AOX1: variants seen among roughly 807,000 people sequenced by gnomAD.
AOX1 encodes aldehyde oxidase.
AOX1 carries 153 observed loss-of-function variants against 169.5 expected under a neutral mutation model. That is an observed-to-expected ratio of 0.90 (90% CI 0.79 to 1.03). The LOEUF (loss-of-function observed/expected upper bound fraction) is 1.03, where lower values mean the gene tolerates loss of function less well. Among genes scored for constraint, AOX1 ranks in the 50% least tolerant of loss-of-function variants. AOX1 has a pLI of 0.00. For missense variants in AOX1, 1,656 were observed against 1,663.9 expected (o/e 1.00, Z 0.08); for synonymous variants, 562 against 581.9 (o/e 0.97, Z 0.49).
At chr2:200,653,783 C>A (rs1480882768) in intron 26 of AOX1, among the ~76,000 whole-genome samples, 3 of 152,200 alleles carry the variant, frequency 2.0e-5, no homozygotes, top group African/African-American at 4.8e-5. Context: ...CTATTGGTGC[C>A]ATTTTTCCAA....
intron 7 of AOX1, 55 bp downstream of exon 7, chr2:200,603,411 A>G (rs1057283119): frequency 7.1e-7 from 1 of 1,405,398 alleles, no homozygotes; most frequent in Non-Finnish European, 1.0e-6. Context: ...ACAGGAGCCA[A>G]CATACTCTTA....
chr2:200,637,769 CTTAAT>C (rs1457153116), intron 22 of AOX1, among the ~76,000 whole-genome samples: 1 of 152,132 alleles, frequency 6.6e-6, no homozygotes, highest in Non-Finnish European at 1.5e-5. Context: ...ACCTAGAAGG[CTTAAT>C]TTGTTTGCTG....
downstream of AOX1, among the ~76,000 whole-genome samples, chr2:200,675,313 C>A (rs1012206233): frequency 3.3e-5 from 5 of 152,062 alleles, no homozygotes; most frequent in Non-Finnish European, 7.4e-5. Context: ...AAAAAACCTA[C>A]TAGGGAAAAA....
At chr2:200,588,797 T>TGCAA (rs1256912374) in intron 1 of AOX1, among the ~76,000 whole-genome samples, 21 of 143,642 alleles carry the variant, frequency 1.5e-4, no homozygotes, top group Admixed American at 1.5e-3. Context: ...ACTATGAAAC[T>TGCAA]GCAAGCACCC....
At chr2:200,609,845 G>C (rs1208439390) in intron 12 of AOX1, among the ~76,000 whole-genome samples, 5 of 152,250 alleles carry the variant, frequency 3.3e-5, no homozygotes, top group Admixed American at 2.0e-4. Flanking sequence ...TTTTTCAGGT[G>C]AAAAATGATT....
At chr2:200,657,186 A>ATTTTTTTTTTTTTT (rs1323706482) in intron 27 of AOX1, among the ~76,000 whole-genome samples, 1 of 65,758 alleles carries the variant, frequency 1.5e-5, no homozygotes, top group African/African-American at 6.6e-5. Context: ...ATATATATAT[A>ATTTTTTTTTTTTTT]TATATTTTTT....
chr2:200,610,971 A>G (rs1314577033), intron 12 of AOX1, among the ~76,000 whole-genome samples: 2 of 152,080 alleles, frequency 1.3e-5, no homozygotes, highest in Non-Finnish European at 1.5e-5. Context: ...TTCCTGCCTC[A>G]GCTTCCTGAG....
Position 200,669,759 on chromosome 2 carries a change from G to GA in AOX1, c.3966+25dup, listed in dbSNP as rs778430534. On this transcript the variant is annotated intron_variant, in intron 34 of 34. Coordinates refer to ENST00000374700, the MANE Select transcript of AOX1 (RefSeq NM_001159.4). ...ACAAAAATGGTACGTTTGCATGGTA[G>GA]AAAAAAAATAGTGATCATAAAATTC... The GA allele has an allele frequency of 8.1e-6, 13 of 1,599,946 alleles. No homozygotes were observed. The highest frequency in any genetic ancestry group is 8.1e-5 in the African/African-American group (6 of 73,864).
intron 1 of AOX1, among the ~76,000 whole-genome samples, chr2:200,590,376 C>A (rs576908209): frequency 2.0e-5 from 3 of 152,244 alleles, no homozygotes; most frequent in East Asian, 3.9e-4. Flanking sequence ...ATGCAATGAC[C>A]CTGACCTGAG....
chr2:200,611,068 C>T (rs957703960), intron 12 of AOX1, among the ~76,000 whole-genome samples: 14 of 152,076 alleles, frequency 9.2e-5, no homozygotes, highest in South Asian at 8.3e-4. Context: ...TTGGCCAGGC[C>T]GGTCTCAAAC....
chr2:200,637,137 T>C, intron 22 of AOX1, 93 bp downstream of exon 22: 3 of 1,463,130 alleles, frequency 2.1e-6, no homozygotes, highest in Non-Finnish European at 2.8e-6. Context: ...CCAAGATTAT[T>C]TAATATCACA....
intron 23 of AOX1, among the ~76,000 whole-genome samples, chr2:200,639,994 G>A (rs568041056): frequency 1.0e-4 from 15 of 145,624 alleles, no homozygotes; most frequent in Admixed American, 2.1e-4. Flanking sequence ...CCAAAATCGC[G>A]CCACTGCACT....
chr2:200,610,485 C>T (rs575966589), intron 12 of AOX1, among the ~76,000 whole-genome samples: 1 of 152,318 alleles, frequency 6.6e-6, no homozygotes, highest in Admixed American at 6.5e-5. Context: ...ACATCAAAAG[C>T]TTCTTAGCTT....
intron 5 of AOX1, among the ~76,000 whole-genome samples, chr2:200,600,478 G>GGT (rs2034389723): frequency 6.6e-6 from 1 of 151,440 alleles, no homozygotes; most frequent in African/African-American, 2.4e-5. Context: ...TATGTGGCGG[G>GGT]GGGGGACATC....
chr2:200,678,622 C>T (rs2036128974), downstream of AOX1: 1 of 151,920 alleles, frequency 6.6e-6, no homozygotes, highest in African/African-American at 2.4e-5. Flanking sequence ...TAATCAATTC[C>T]TCTGTGGAGG....
At chr2:200,606,492 T>G (rs2034516539) in intron 10 of AOX1, among the ~76,000 whole-genome samples, 1 of 152,224 alleles carries the variant, frequency 6.6e-6, no homozygotes, top group South Asian at 2.1e-4. Flanking sequence ...TTATGAAATT[T>G]AAAGTAGTTT....
intron 33 of AOX1, 107 bp from the exon 34 acceptor site, chr2:200,669,468 C>A: frequency 1.6e-6 from 2 of 1,232,366 alleles, no homozygotes; most frequent in Non-Finnish European, 2.3e-6. Flanking sequence ...AAAAAATGTA[C>A]ATATGTAGTA....
chr2:200,657,190 A>ATATATATATATTTTTTT, intron 27 of AOX1, among the ~76,000 whole-genome samples: 19 of 62,880 alleles, frequency 3.0e-4, no homozygotes, highest in Non-Finnish European at 3.9e-4. Flanking sequence ...ATATATATAT[A>ATATATATATATTTTTTT]TTTTTTTTTT....
At chr2:200,631,007 T>A (rs758047299) in intron 20 of AOX1, among the ~76,000 whole-genome samples, 1 of 151,052 alleles carries the variant, frequency 6.6e-6, no homozygotes, top group Non-Finnish European at 1.5e-5. Flanking sequence ...ACTTAAAAGT[T>A]GAAGGAAAAA....
Sources: allele counts gnomAD v4.1 joint callset (sites outside exome capture counted in the v4.1 genomes callset), GRCh38; gene constraint gnomAD v4.1.1; transcripts MANE v1.5; gene names NCBI Gene and HGNC (gene_info 2026-07-23, HGNC 2026-07-21).